TAB1: variants seen among roughly 807,000 people sequenced by gnomAD.
TAB1 encodes the protein TGF-beta activated kinase 1 (MAP3K7) binding protein 1.
A neutral mutation model predicts 54.5 loss-of-function variants in TAB1; 30 were observed. The observed-to-expected ratio is 0.55, with a 90% CI of 0.41 to 0.75. TAB1 has a LOEUF of 0.75. Among genes scored for constraint, TAB1 ranks in the 30% least tolerant of loss-of-function variants. TAB1 has a pLI of 0.00. For missense variants in TAB1, 609 were observed against 683.2 expected, an observed-to-expected ratio of 0.89 and a Z score of 1.21; for synonymous variants, 289 against 286.9, an observed-to-expected ratio of 1.01 and a Z score of -0.07.
intron 10 of TAB1, 39 bp from the exon 11 acceptor site, chr22:39,429,976 G>A (rs375512932): frequency 1.4e-5 from 23 of 1,608,110 alleles, no homozygotes; most frequent in Middle Eastern, 2.2e-4. Flanking sequence ...CCCTTGACCC[G>A]GCTGCTTCTG....
intron 1 of TAB1, among the ~76,000 whole-genome samples, chr22:39,405,746 C>A (rs1019383283): frequency 6.6e-6 from 1 of 152,158 alleles, no homozygotes; most frequent in African/African-American, 2.4e-5. Flanking sequence ...AATGGACGCT[C>A]GGTATGGCTA....
chr22:39,426,668 G>A (rs762427569), intron 8 of TAB1, 35 bp from the exon 9 acceptor site: 109 of 1,564,140 alleles, frequency 7.0e-5, no homozygotes, highest in South Asian at 6.8e-4. Context: ...GCCGCACCTC[G>A]TTCCTTACCA....
intron 8 of TAB1, 146 bp downstream of exon 8, chr22:39,422,117 G>T: frequency 4.6e-6 from 4 of 861,876 alleles, no homozygotes; most frequent in Non-Finnish European, 6.6e-6. Context: ...GAATCCCAGA[G>T]CTCTGAAAAC....
intron 1 of TAB1, among the ~76,000 whole-genome samples, chr22:39,400,282 T>C (rs1263615158): frequency 6.6e-6 from 1 of 152,230 alleles, no homozygotes; most frequent in African/African-American, 2.4e-5. Context: ...AGATAGGTGC[T>C]ACTGTTATTC....
chr22:39,423,440 A>G (rs1927180903), intron 8 of TAB1, among the ~76,000 whole-genome samples: 1 of 152,206 alleles, frequency 6.6e-6, no homozygotes, highest in East Asian at 1.9e-4. Context: ...CCCCGTCTCT[A>G]CTAAAAATAC....
intron 1 of TAB1, among the ~76,000 whole-genome samples, chr22:39,400,482 C>T (rs1427297981): frequency 6.6e-6 from 1 of 152,198 alleles, no homozygotes; most frequent in African/African-American, 2.4e-5. Flanking sequence ...CTCCCTCAGC[C>T]TCAGTTTCCT....
intron 8 of TAB1, among the ~76,000 whole-genome samples, chr22:39,425,965 C>A (rs558118423): frequency 6.7e-6 from 1 of 150,138 alleles, no homozygotes; most frequent in South Asian, 2.1e-4. Flanking sequence ...TCAAGCAATT[C>A]TCCTGCCTCA....
intron 10 of TAB1, chr22:39,429,449 C>T: frequency 2.7e-6 from 2 of 752,734 alleles, no homozygotes; most frequent in Non-Finnish European, 1.6e-6. Context: ...CCACTTGTGG[C>T]TATTAGACGC....
intron 9 of TAB1, among the ~76,000 whole-genome samples, chr22:39,427,664 T>C (rs998690109): frequency 1.3e-5 from 2 of 152,238 alleles, no homozygotes; most frequent in Non-Finnish European, 2.9e-5. Context: ...TGGCCTGTTT[T>C]TATTGCAACC....
At chr22:39,420,988 GCCCCTCCCAGGTGCTGGTGTGTCC>G (rs1927062281) in intron 7 of TAB1, among the ~76,000 whole-genome samples, 5 of 147,362 alleles carry the variant, frequency 3.4e-5, no homozygotes, top group Non-Finnish European at 7.4e-5. Context: ...GGTGTGTCCT[GCCCCTCCCAGGTGCTGGTGTGTCC>G]TGCCCCTCCC....
At chr22:39,407,679 G>T (rs1926426584) in intron 1 of TAB1, among the ~76,000 whole-genome samples, 1 of 152,186 alleles carries the variant, frequency 6.6e-6, no homozygotes, top group African/African-American at 2.4e-5. Context: ...TAGAGACGGG[G>T]TTTTGCTGTG....
rs983376301 is a variant in TAB1 at position 39,431,595 on chromosome 22, C to T, written c.*1373C>T. 7.1e-6 allele frequency: 7 copies of T among 985,302 alleles called. No homozygotes were observed. The highest frequency in any genetic ancestry group is 4.7e-5 in the South Asian group (1 of 21,286). The allele number at this position is 985,302 out of a possible 1,614,324, so 61.0% of individuals were successfully genotyped here. A position where few individuals can be genotyped will look rare whatever the true frequency, so the allele number is the denominator to read the frequency against. On this transcript the variant is annotated 3_prime_UTR_variant, in exon 11 of 11. Coordinates refer to ENST00000216160, the MANE Select transcript of TAB1 (RefSeq NM_006116.3). ...TGTGGCCTGGGAATCCATTTTCCTGCGGCAGAGCAGGGCCTGGTGTGGAAC... is the reference window on the plus strand; with the variant it reads ...TGTGGCCTGGGAATCCATTTTCCTGTGGCAGAGCAGGGCCTGGTGTGGAAC...
chr22:39,422,787 A>G (rs947565135), intron 8 of TAB1, among the ~76,000 whole-genome samples: 1 of 152,146 alleles, frequency 6.6e-6, no homozygotes. Context: ...GCCCTCAGCC[A>G]AGAGTTGCTT....
chr22:39,421,974 G>A lies in TAB1; in HGVS notation c.921+3G>A, dbSNP rs771068709. On this transcript the variant is annotated splice_donor_region_variant and intron_variant, in intron 8 of 10. Coordinates refer to ENST00000216160, the MANE Select transcript of TAB1 (RefSeq NM_006116.3). ...ATGGGCCTGGGCAGGCCAACCAGGT[G>A]AGTTGGGCCCAGCCACGCCCATGGC... is the stretch of plus-strand genomic sequence containing the variant. 8 of 1,536,744 alleles carry A rather than the reference G, an allele frequency of 5.2e-6. No individual in the cohort carries two copies. The South Asian group carries it at 7.6e-5, about 15-fold the overall frequency.
downstream of TAB1, chr22:39,432,747 C>A (rs909186901): frequency 2.6e-5 from 26 of 985,774 alleles, no homozygotes; most frequent in Middle Eastern, 5.2e-4. Flanking sequence ...AGGTCTCTCC[C>A]AGCACCTGCT....
downstream of TAB1, chr22:39,433,321 G>A (rs1411532238): frequency 6.7e-6 from 5 of 749,760 alleles, no homozygotes; most frequent in Middle Eastern, 6.7e-4. Flanking sequence ...TGTGGTGGTG[G>A]GCACCTGTAG....
intron 5 of TAB1, among the ~76,000 whole-genome samples, chr22:39,418,218 G>A (rs866987309): frequency 3.3e-5 from 5 of 152,204 alleles, no homozygotes; most frequent in African/African-American, 7.2e-5. Flanking sequence ...AGGGACATTG[G>A]GGTTTGTGAG....
chr22:39,400,018 G>T lies in TAB1; in HGVS notation c.33+183G>T, dbSNP rs560567292. 3.3e-5 allele frequency among the ~76,000 whole-genome samples: 5 copies of T among 152,300 alleles called. 1 individual carries two copies. In the East Asian group the frequency reaches 9.7e-4, roughly 29 times the overall value. On this transcript the variant is annotated intron_variant, in intron 1 of 10. Transcript: ENST00000216160. ...CCCGAGGCCAGGGCGTGTGTGCGCG[G>T]CGGGCCCGGCCCCCGGGTCAAGGGC...
intron 1 of TAB1, among the ~76,000 whole-genome samples, chr22:39,401,034 CAAAAAAAAAAA>C (rs566248298): frequency 1.3e-4 from 6 of 45,716 alleles, no homozygotes; most frequent in Non-Finnish European, 2.5e-4. Context: ...GACTGTGTCT[CAAAAAAAAAAA>C]AAAAAAAAAA....
Sources: allele counts gnomAD v4.1 joint callset (sites outside exome capture counted in the v4.1 genomes callset), GRCh38; gene constraint gnomAD v4.1.1; transcripts MANE v1.5; gene names NCBI Gene and HGNC (gene_info 2026-07-23, HGNC 2026-07-21).